The following MARCHF4 variants were observed in gnomAD, a reference collection of about 807,000 sequenced individuals.
MARCHF4 encodes membrane associated ring-CH-type finger 4, also known as E3 ubiquitin-protein ligase MARCHF4.
In MARCHF4, 14 loss-of-function variants were observed where a neutral mutation model predicts 43.9. The observed-to-expected ratio is 0.32, with a 90% CI of 0.21 to 0.50. The LOEUF (loss-of-function observed/expected upper bound fraction) is 0.50. MARCHF4 is among the 20% of genes least tolerant of loss of function. The pLI is 0.98. For missense variants in MARCHF4, 468 were observed against 536.7 expected, an observed-to-expected ratio of 0.87 and a Z score of 1.27; for synonymous variants, 226 against 213.3, an observed-to-expected ratio of 1.06 and a Z score of -0.52.
At chr2:216,276,123 A>T (rs1691018108) in intron 3 of MARCHF4, among the ~76,000 whole-genome samples, 1 of 152,260 alleles carries the variant, frequency 6.6e-6, no homozygotes, top group African/African-American at 2.4e-5. Flanking sequence ...TGACTAATAC[A>T]TCATGTGACA....
At chr2:216,347,510 C>T (rs1221178287) in intron 1 of MARCHF4, among the ~76,000 whole-genome samples, 4 of 152,030 alleles carry the variant, frequency 2.6e-5, no homozygotes, top group African/African-American at 9.7e-5. Flanking sequence ...TAGAAGAACA[C>T]GGTGTTTGAA....
intron 1 of MARCHF4, among the ~76,000 whole-genome samples, chr2:216,303,040 A>G (rs1483076439): frequency 6.6e-6 from 1 of 151,924 alleles, no homozygotes; most frequent in East Asian, 1.9e-4. Context: ...TCCTTTCTCC[A>G]TTCATACTTC....
At chr2:216,261,165 A>G (rs938982888) in intron 3 of MARCHF4, among the ~76,000 whole-genome samples, 32 of 152,078 alleles carry the variant, frequency 2.1e-4, no homozygotes, top group African/African-American at 7.7e-4. Context: ...TTAAAATGGG[A>G]TGCATGTTTC....
intron 1 of MARCHF4, among the ~76,000 whole-genome samples, chr2:216,297,461 G>A (rs1406182613): frequency 6.6e-6 from 1 of 152,172 alleles, no homozygotes; most frequent in East Asian, 1.9e-4. Flanking sequence ...TTATGGACCA[G>A]CACTGTTTCC....
At chr2:216,332,472 G>T (rs1423441910) in intron 1 of MARCHF4, among the ~76,000 whole-genome samples, 1 of 150,860 alleles carries the variant, frequency 6.6e-6, no homozygotes, top group African/African-American at 2.4e-5. Flanking sequence ...AAGATTTATT[G>T]ATTTTAAGGC....
chr2:216,312,682 G>A (rs983744226), intron 1 of MARCHF4, among the ~76,000 whole-genome samples: 7 of 152,066 alleles, frequency 4.6e-5, no homozygotes, highest in Non-Finnish European at 8.8e-5. Flanking sequence ...CTGCTTGGAT[G>A]TCTTCTTTCG....
At position 216,306,111 on chromosome 2, in the gene MARCHF4, T is replaced by TTTATACATGCAAAGTTTTAATTGAAA. The variant is rs1474362491; in HGVS notation, c.517-22408_517-22383dup. Among the ~76,000 whole-genome samples, 813 of 152,186 alleles carry TTTATACATGCAAAGTTTTAATTGAAA rather than the reference T, an allele frequency of 5.3e-3. 48 individuals carry two copies. The East Asian group carries it at 0.13, about 25-fold the overall frequency. On this transcript the variant is annotated intron_variant, in intron 1 of 3. Transcript: ENST00000273067. ...ACTCCAAGGACATTTTGATTCTGTA[T>TTTATACATGCAAAGTTTTAATTGAAA]TTATACATGCAAAGTTTTAATTGAA...
intron 1 of MARCHF4, among the ~76,000 whole-genome samples, chr2:216,349,011 C>T (rs934270229): frequency 7.2e-5 from 11 of 151,960 alleles, no homozygotes; most frequent in Admixed American, 2.0e-4. Context: ...ATTTTGACAC[C>T]GAGAAGACAT....
At chr2:216,331,092 A>C (rs969724448) in intron 1 of MARCHF4, among the ~76,000 whole-genome samples, 1 of 152,160 alleles carries the variant, frequency 6.6e-6, no homozygotes, top group African/African-American at 2.4e-5. Context: ...TTGGTCTTTG[A>C]AAAGACTAAT....
chr2:216,312,029 G>A (rs1462078965), intron 1 of MARCHF4, among the ~76,000 whole-genome samples: 1 of 152,122 alleles, frequency 6.6e-6, no homozygotes, highest in Admixed American at 6.5e-5. Context: ...TTTGTTACAT[G>A]GGTATATTGT....
chr2:216,336,769 C>CAAAAAAAAAAAAAAAAAAAAT (rs1453857917), intron 1 of MARCHF4, among the ~76,000 whole-genome samples: 1 of 66,866 alleles, frequency 1.5e-5, no homozygotes. Flanking sequence ...AAAAAAAAAG[C>CAAAAAAAAAAAAAAAAAAAAT]TTTCTGGAAA....
chr2:216,354,851 A>G (rs1420436314), intron 1 of MARCHF4, among the ~76,000 whole-genome samples: 1 of 150,292 alleles, frequency 6.7e-6, no homozygotes, highest in African/African-American at 2.5e-5. Flanking sequence ...GTCTACTCTC[A>G]GTTAATTCCT....
chr2:216,362,679 C>T (rs1471638510), intron 1 of MARCHF4, among the ~76,000 whole-genome samples: 3 of 152,220 alleles, frequency 2.0e-5, no homozygotes, highest in Non-Finnish European at 2.9e-5. Context: ...TTGGAAACTC[C>T]CCCCTTTCTT....
At chr2:216,359,214 G>A (rs1692542625) in intron 1 of MARCHF4, among the ~76,000 whole-genome samples, 1 of 152,206 alleles carries the variant, frequency 6.6e-6, no homozygotes, top group Non-Finnish European at 1.5e-5. Context: ...GGGGAGAAGA[G>A]AGATGTAAGA....
intron 1 of MARCHF4, among the ~76,000 whole-genome samples, chr2:216,303,164 G>A (rs75364000): frequency 1.3e-5 from 2 of 152,090 alleles, no homozygotes; most frequent in African/African-American, 4.8e-5. Context: ...TGGCAAGAAC[G>A]TCATCTCCTA....
chr2:216,344,637 C>T (rs1316103924), intron 1 of MARCHF4, among the ~76,000 whole-genome samples: 5 of 152,040 alleles, frequency 3.3e-5, no homozygotes, highest in Non-Finnish European at 5.9e-5. Context: ...AGGGACCTTC[C>T]AAGGAACTGT....
chr2:216,271,028 C>T (rs570487492), intron 3 of MARCHF4, among the ~76,000 whole-genome samples: 1 of 152,332 alleles, frequency 6.6e-6, no homozygotes, highest in African/African-American at 2.4e-5. Flanking sequence ...TTCATATTTC[C>T]CCATTTGAAC....
intron 1 of MARCHF4, among the ~76,000 whole-genome samples, chr2:216,363,455 T>C (rs1237254420): frequency 6.6e-6 from 1 of 152,258 alleles, no homozygotes; most frequent in East Asian, 1.9e-4. Context: ...AAGATAGCTA[T>C]ACCTGTGAAA....
rs370260329 is a variant in MARCHF4, at chr2:216,370,004, C to A, written c.257G>T (p.Gly86Val). The A allele has an allele frequency of 4.2e-5, 64 of 1,539,350 alleles. No individual in the cohort carries two copies. The highest frequency in any genetic ancestry group is 5.3e-5 in the Non-Finnish European group (60 of 1,138,398). ...NNTLPALGAGGWAGWRGPREV... is the reference protein window; with the variant it reads ...NNTLPALGAGVWAGWRGPREV... ...TCGGGGGCCCCTCCAGCCTGCCCACCCCCCGGCGCCCAGAGCCGGAAGGGT... is the reference window on the plus strand; with the variant it reads ...TCGGGGGCCCCTCCAGCCTGCCCACACCCCGGCGCCCAGAGCCGGAAGGGT... The change falls in exon 1 of 4, where the codon GGG becomes GTG. Residue 86 changes from glycine to valine, a missense_variant. By Grantham distance (109) the Gly-to-Val change is moderately radical (BLOSUM62 -3). Coordinates refer to ENST00000273067, the MANE Select transcript of MARCHF4 (RefSeq NM_020814.3).
Sources: allele counts gnomAD v4.1 joint callset (sites outside exome capture counted in the v4.1 genomes callset), GRCh38; gene constraint gnomAD v4.1.1; transcripts MANE v1.5; gene names NCBI Gene and HGNC (gene_info 2026-07-23, HGNC 2026-07-21).